RBFOX1: variants seen among roughly 807,000 people sequenced by gnomAD.
RBFOX1 encodes RNA binding fox-1 homolog 1, also known as RNA binding protein fox-1 homolog 1.
RBFOX1 carries 8 observed loss-of-function variants against 57.7 expected under a neutral mutation model. The observed-to-expected ratio is 0.14, with a 90% CI of 0.08 to 0.25. The LOEUF (loss-of-function observed/expected upper bound fraction) is 0.25. Ranked by LOEUF, RBFOX1 falls within the 10% of genes least tolerant of loss-of-function variation. RBFOX1 has a pLI of 1.00. For synonymous variants in RBFOX1, 326 were observed against 222.4 expected (o/e 1.47, Z -4.15); for missense variants, 611 against 548.5 (o/e 1.11, Z -1.14).
intron 5 of RBFOX1, among the ~76,000 whole-genome samples, chr16:7,571,211 A>AAG (rs2092736618): frequency 8.3e-6 from 1 of 120,244 alleles, no homozygotes; most frequent in South Asian, 3.3e-4. Context: ...GAACTTAAGG[A>AAG]AGAAAAAAAA....
intron 2 of RBFOX1, among the ~76,000 whole-genome samples, chr16:6,336,704 T>C (rs1287814070): frequency 6.6e-6 from 1 of 151,790 alleles, no homozygotes; most frequent in Non-Finnish European, 1.5e-5. Flanking sequence ...GGGGGGGAAA[T>C]TGGATGAGAT....
At chr16:7,502,874 T>G (rs147768191) in intron 4 of RBFOX1, among the ~76,000 whole-genome samples, 1 of 151,918 alleles carries the variant, frequency 6.6e-6, no homozygotes, top group African/African-American at 2.4e-5. Flanking sequence ...AATACAAAAA[T>G]TAGCCAAGTG....
rs150689692 is a variant in RBFOX1 at position 6,136,748 on chromosome 16, T to A, written c.-127+116756T>A. Among the ~76,000 whole-genome samples the A allele has an allele frequency of 1.7e-3, 252 of 152,290 alleles. 1 individual carries two copies. Among genetic ancestry groups the A allele is most frequent in the East Asian group, 8.3e-3 (43 of 5,178 alleles). ...ACAGCCCCCCAAAATACCTAATGCATCACAAGCCGACATTTGTACTGCTGG... is the reference window on the plus strand; with the variant it reads ...ACAGCCCCCCAAAATACCTAATGCAACACAAGCCGACATTTGTACTGCTGG... On this transcript the variant is annotated intron_variant, in intron 1 of 15. Transcript: ENST00000550418.
At chr16:5,374,190 G>C (rs746116480) in intron 1 of RBFOX1, among the ~76,000 whole-genome samples, 4 of 152,192 alleles carry the variant, frequency 2.6e-5, no homozygotes, top group Non-Finnish European at 5.9e-5. Flanking sequence ...CACCCACCTC[G>C]GCCTTCCAAA....
intron 2 of RBFOX1, among the ~76,000 whole-genome samples, chr16:6,318,250 C>G (rs1392366413): frequency 2.0e-5 from 3 of 152,128 alleles, no homozygotes; most frequent in Non-Finnish European, 4.4e-5. Context: ...GCTTTTGTTC[C>G]TAATAATAAA....
At chr16:5,625,255 G>A (rs757179881) in intron 3 of RBFOX1, among the ~76,000 whole-genome samples, 1 of 152,112 alleles carries the variant, frequency 6.6e-6, no homozygotes, top group Non-Finnish European at 1.5e-5. Context: ...GCAGGACCTG[G>A]GCGTGGTAGG....
At chr16:6,092,916 T>C (rs912398319) in intron 1 of RBFOX1, 2 of 152,188 alleles carry the variant, frequency 1.3e-5, no homozygotes, top group African/African-American at 4.8e-5. Context: ...TGTTTTTTAA[T>C]TCCTATGGTG....
chr16:5,614,560 C>T (rs764406964), intron 3 of RBFOX1, among the ~76,000 whole-genome samples: 34 of 152,240 alleles, frequency 2.2e-4, no homozygotes, highest in South Asian at 4.2e-4. Flanking sequence ...TGATGTTGTG[C>T]TTCATTGATT....
intron 4 of RBFOX1, among the ~76,000 whole-genome samples, chr16:7,284,599 AG>A (rs113171671): frequency 2.6e-4 from 40 of 152,234 alleles, no homozygotes; most frequent in African/African-American, 9.4e-4. Context: ...CCACAGTGCT[AG>A]GATGACAGGC....
intron 2 of RBFOX1, among the ~76,000 whole-genome samples, chr16:6,614,008 C>A (rs543345401): frequency 6.6e-6 from 1 of 152,200 alleles, no homozygotes; most frequent in East Asian, 1.9e-4. Context: ...ACAGCAATTA[C>A]TAACCAGAGT....
intron 2 of RBFOX1, among the ~76,000 whole-genome samples, chr16:6,495,339 G>A (rs538387707): frequency 2.0e-5 from 3 of 152,010 alleles, no homozygotes; most frequent in Non-Finnish European, 4.4e-5. Flanking sequence ...GGCTGGTCTC[G>A]AACTCCTGAC....
At chr16:7,559,175 GT>G (rs2089649361) in intron 5 of RBFOX1, among the ~76,000 whole-genome samples, 1 of 152,168 alleles carries the variant, frequency 6.6e-6, no homozygotes, top group Non-Finnish European at 1.5e-5. Context: ...GGAAAAGTAG[GT>G]TTGTAATCTC....
chr16:5,976,181 A>G (rs2060059122), intron 4 of RBFOX1, among the ~76,000 whole-genome samples: 1 of 152,034 alleles, frequency 6.6e-6, no homozygotes, highest in Non-Finnish European at 1.5e-5. Flanking sequence ...AATAAAATAA[A>G]ATAATTAGTA....
chr16:7,426,833 G>T (rs1370344835), intron 4 of RBFOX1, among the ~76,000 whole-genome samples: 2 of 152,178 alleles, frequency 1.3e-5, no homozygotes, highest in Non-Finnish European at 2.9e-5. Context: ...CTGGGGGACA[G>T]GTCCTTGGTT....
At chr16:6,596,283 T>G (rs2097776008) in intron 2 of RBFOX1, among the ~76,000 whole-genome samples, 2 of 152,178 alleles carry the variant, frequency 1.3e-5, no homozygotes, top group Non-Finnish European at 2.9e-5. Context: ...TTGAGTTAAA[T>G]TTTGCATGTG....
intron 1 of RBFOX1, among the ~76,000 whole-genome samples, chr16:5,328,928 T>A (rs1300904941): frequency 6.6e-6 from 1 of 152,244 alleles, no homozygotes; most frequent in African/African-American, 2.4e-5. Flanking sequence ...ATGCTATTCC[T>A]ACCCTTAGTT....
At chr16:5,909,159 C>G (rs1358224703) in intron 4 of RBFOX1, among the ~76,000 whole-genome samples, 3 of 128,090 alleles carry the variant, frequency 2.3e-5, no homozygotes, top group African/African-American at 9.0e-5. Context: ...GTGGTGCGGT[C>G]TGGGCTCACT....
At chr16:6,746,513 C>T (rs1030208902) in intron 3 of RBFOX1, among the ~76,000 whole-genome samples, 1 of 151,826 alleles carries the variant, frequency 6.6e-6, no homozygotes, top group Non-Finnish European at 1.5e-5. Flanking sequence ...CTCATCTCAA[C>T]AAAAAATACA....
intron 4 of RBFOX1, among the ~76,000 whole-genome samples, chr16:7,170,210 C>G (rs557667217): frequency 6.6e-6 from 1 of 152,244 alleles, no homozygotes. Context: ...CAGATTAATA[C>G]TTTTTAAAAC....
Sources: allele counts gnomAD v4.1 joint callset (sites outside exome capture counted in the v4.1 genomes callset), GRCh38; gene constraint gnomAD v4.1.1; transcripts MANE v1.5; gene names NCBI Gene and HGNC (gene_info 2026-07-23, HGNC 2026-07-21).